The following DPH6 variants were observed in gnomAD, a reference collection of about 807,000 sequenced individuals.
The protein encoded by DPH6 is diphthamine biosynthesis 6.
In DPH6, 33 loss-of-function variants were observed where a neutral mutation model predicts 38.2. That is an observed-to-expected ratio of 0.86 (90% CI 0.65 to 1.15). The LOEUF (loss-of-function observed/expected upper bound fraction) is 1.15, where lower values mean the gene tolerates loss of function less well. Among genes scored for constraint, DPH6 ranks in the 50% most tolerant of loss-of-function variants. The pLI is 0.00. For missense variants in DPH6, 325 were observed against 320.0 expected (o/e 1.02, Z -0.12); for synonymous variants, 108 against 103.0 (o/e 1.05, Z -0.30).
At position 35,318,486 on chromosome 15, in the gene DPH6, C is replaced by T. The variant is rs145357956; in HGVS notation, n.200+55035G>A. 1.5e-3 allele frequency among the ~76,000 whole-genome samples: 229 copies of T among 152,196 alleles called. 1 individual carries two copies. The highest frequency in any genetic ancestry group is 0.01 in the Middle Eastern group (3 of 294). ...CTTAATTGGCATATATATAACAGTG[C>T]ACACATTGATAAGAGAATACATATT... On this transcript the variant is annotated intron_variant and non_coding_transcript_variant, in intron 3 of 3. Transcript: ENST00000560386.
chr15:35,418,435 A>G lies in DPH6; in HGVS notation c.506-7539T>C, dbSNP rs148804555. 6.6e-4 allele frequency among the ~76,000 whole-genome samples: 101 copies of G among 152,206 alleles called. No individual in the cohort carries two copies. In the East Asian group the frequency reaches 0.019, roughly 28 times the overall value. On this transcript the variant is annotated intron_variant, in intron 5 of 8. Coordinates refer to ENST00000256538, the MANE Select transcript of DPH6 (RefSeq NM_080650.4). The stretch of plus-strand genomic sequence containing the variant: ...TTACTGTAAACTCTGACACCTAGCC[A>G]TTTCATCATGTCATACAGACATTCC...
At chr15:35,541,568 T>C (rs1309838698) in intron 2 of DPH6, among the ~76,000 whole-genome samples, 1 of 152,086 alleles carries the variant, frequency 6.6e-6, no homozygotes, top group Non-Finnish European at 1.5e-5. Context: ...ACTCATTTAA[T>C]TAATCTTAAA....
At chr15:35,333,687 T>C (rs2052344995) in intron 3 of DPH6, among the ~76,000 whole-genome samples, 1 of 152,174 alleles carries the variant, frequency 6.6e-6, no homozygotes, top group African/African-American at 2.4e-5. Flanking sequence ...GAGTGTAAAT[T>C]AGGTCAACCA....
Position 35,243,321 on chromosome 15 carries a change from T to C in DPH6, n.201-22739A>G, listed in dbSNP as rs1247571073. On this transcript the variant is annotated intron_variant and non_coding_transcript_variant, in intron 3 of 3. Coordinates refer to the DPH6 transcript ENST00000560386. ...AGAAACATCGCCCATTCTCTCTCCA[T>C]ACCACCCCCCAAAAATTTTCGCCGC... Among the ~76,000 whole-genome samples the C allele has an allele frequency of 7.1e-5, 10 of 141,614 alleles. 2 individuals carry two copies. The highest frequency in any genetic ancestry group is 1.5e-4 in the Non-Finnish European group (10 of 64,980). The allele number at this position is 141,614 out of a possible 152,430, so 92.9% of individuals were successfully genotyped here. A position where few individuals can be genotyped will look rare whatever the true frequency, so the allele number is the denominator to read the frequency against.
At chr15:35,202,190 A>C in the DPH6 span, among the ~76,000 whole-genome samples, 13 of 151,896 alleles carry the variant, frequency 8.6e-5, no homozygotes, top group African/African-American at 3.1e-4. Flanking sequence ...ATTGATGTAG[A>C]CTGTCTCTGC....
At chr15:35,498,101 T>C (rs905700212) in intron 3 of DPH6, among the ~76,000 whole-genome samples, 1 of 152,174 alleles carries the variant, frequency 6.6e-6, no homozygotes, top group East Asian at 1.9e-4. Context: ...CATATTTTAA[T>C]AGTTGGCACC....
chr15:35,396,663 TTAATA>T (rs2053137679), intron 6 of DPH6, among the ~76,000 whole-genome samples: 1 of 152,188 alleles, frequency 6.6e-6, no homozygotes, highest in Admixed American at 6.5e-5. Flanking sequence ...AAAGTACATT[TTAATA>T]TATCTTATAA....
intron 3 of DPH6, among the ~76,000 whole-genome samples, chr15:35,361,769 CTA>C (rs1035901073): frequency 6.6e-6 from 1 of 151,546 alleles, no homozygotes; most frequent in African/African-American, 2.4e-5. Context: ...TCCAGATTTT[CTA>C]TTTCCTTTTC....
intron 5 of DPH6, among the ~76,000 whole-genome samples, chr15:35,443,014 A>G (rs2053807639): frequency 6.6e-6 from 1 of 152,212 alleles, no homozygotes; most frequent in African/African-American, 2.4e-5. Flanking sequence ...GTACATTTTA[A>G]GTGGGTGACA....
the DPH6 span, among the ~76,000 whole-genome samples, chr15:35,172,525 T>C: frequency 6.6e-6 from 1 of 152,214 alleles, no homozygotes. Context: ...TATTTAAGTG[T>C]CTCACCTGTA....
intron 3 of DPH6, among the ~76,000 whole-genome samples, chr15:35,291,571 A>C (rs1280382422): frequency 1.3e-5 from 2 of 152,128 alleles, no homozygotes; most frequent in Non-Finnish European, 2.9e-5. Context: ...CATTTGGATA[A>C]GATATTCTTA....
At chr15:35,354,758 C>A (rs980439152) in intron 3 of DPH6, among the ~76,000 whole-genome samples, 4 of 152,060 alleles carry the variant, frequency 2.6e-5, no homozygotes, top group African/African-American at 7.2e-5. Flanking sequence ...TTTGTTGTGT[C>A]TCTGCAGGCT....
intron 3 of DPH6, among the ~76,000 whole-genome samples, chr15:35,263,196 C>T (rs1011243059): frequency 6.6e-6 from 1 of 152,020 alleles, no homozygotes; most frequent in Non-Finnish European, 1.5e-5. Flanking sequence ...TTACATATCA[C>T]CTTTCTTCCA....
At chr15:35,478,359 CCACACATACACACACACACACA>C (rs1298259920) in intron 3 of DPH6, among the ~76,000 whole-genome samples, 1 of 101,018 alleles carries the variant, frequency 9.9e-6, no homozygotes, top group Non-Finnish European at 2.1e-5. Context: ...ACACACATAC[CCACACATACACACACACACACA>C]CACACACACA....
At chr15:35,511,495 A>G (rs2054770835) in intron 3 of DPH6, among the ~76,000 whole-genome samples, 1 of 152,084 alleles carries the variant, frequency 6.6e-6, no homozygotes, top group African/African-American at 2.4e-5. Flanking sequence ...ATAGGGGGAG[A>G]ATGGAACCAT....
At chr15:35,464,305 A>T (rs998857518) in intron 3 of DPH6, among the ~76,000 whole-genome samples, 17 of 152,134 alleles carry the variant, frequency 1.1e-4, no homozygotes, top group Admixed American at 9.8e-4. Flanking sequence ...AAAAAAAAAA[A>T]AATAAGGCAA....
At chr15:35,311,962 C>T (rs535083045) in intron 3 of DPH6, among the ~76,000 whole-genome samples, 6 of 134,706 alleles carry the variant, frequency 4.5e-5, no homozygotes, top group Non-Finnish European at 9.2e-5. Flanking sequence ...TATCCAAACA[C>T]GAATAACTAC....
chr15:35,513,682 A>C (rs1196782424), intron 3 of DPH6, among the ~76,000 whole-genome samples: 1 of 151,974 alleles, frequency 6.6e-6, no homozygotes, highest in African/African-American at 2.4e-5. Context: ...TACTTTATCA[A>C]ATCATAACAA....
chr15:35,449,610 G>T (rs941259138), intron 5 of DPH6, among the ~76,000 whole-genome samples: 12 of 152,034 alleles, frequency 7.9e-5, no homozygotes, highest in African/African-American at 2.7e-4. Context: ...ACTCTGTACA[G>T]AGTCACATAG....
Sources: gnomAD v4.1 joint callset for allele counts (sites outside exome capture counted in the v4.1 genomes callset) on GRCh38, gnomAD v4.1.1 for gene constraint, MANE v1.5 for transcripts, NCBI Gene and HGNC (gene_info 2026-07-23, HGNC 2026-07-21) for gene names.